Variants in FRMD4A observed in about 807,000 individuals in gnomAD.
FRMD4A encodes the protein FERM domain containing 4A, also known as FERM domain-containing protein 4A.
Under a neutral mutation model 129.1 loss-of-function variants are expected in FRMD4A, and 29 were observed. That is an observed-to-expected ratio of 0.22 (90% CI 0.17 to 0.31). The LOEUF (loss-of-function observed/expected upper bound fraction) is 0.31. Among genes scored for constraint, FRMD4A ranks in the 10% least tolerant of loss-of-function variants. The pLI, the probability that FRMD4A is intolerant of heterozygous loss-of-function variation, is 1.00. For missense variants in FRMD4A, 1,272 were observed against 1,375.8 expected, an observed-to-expected ratio of 0.92 and a Z score of 1.19; for synonymous variants, 634 against 571.6, an observed-to-expected ratio of 1.11 and a Z score of -1.56.
At chr10:14,245,764 C>T (rs1415427755) in intron 2 of FRMD4A, among the ~76,000 whole-genome samples, 4 of 152,154 alleles carry the variant, frequency 2.6e-5, no homozygotes, top group Non-Finnish European at 4.4e-5. Flanking sequence ...ATGGACCCTG[C>T]TAACACCTTA....
At chr10:14,228,400 A>G (rs761966850) in intron 2 of FRMD4A, among the ~76,000 whole-genome samples, 8 of 152,216 alleles carry the variant, frequency 5.3e-5, no homozygotes, top group Non-Finnish European at 7.3e-5. Flanking sequence ...TAATGTTCCC[A>G]TTGACTCTCC....
At chr10:14,239,591 C>T (rs1843962078) in intron 2 of FRMD4A, among the ~76,000 whole-genome samples, 1 of 152,036 alleles carries the variant, frequency 6.6e-6, no homozygotes, top group African/African-American at 2.4e-5. Flanking sequence ...TGCGCCACTG[C>T]ACTCCAGCCT....
intron 2 of FRMD4A, among the ~76,000 whole-genome samples, chr10:13,917,418 T>C: frequency 6.6e-6 from 1 of 151,936 alleles, no homozygotes; most frequent in East Asian, 1.9e-4. Context: ...CCCTCCTGAG[T>C]AACTGGGATT....
At chr10:13,712,185 C>T (rs1589495027) in intron 12 of FRMD4A, 1 of 152,228 alleles carries the variant, frequency 6.6e-6, no homozygotes, top group Non-Finnish European at 1.5e-5. Context: ...ATACTCAATG[C>T]TTTCCATACT....
intron 2 of FRMD4A, among the ~76,000 whole-genome samples, chr10:13,977,715 C>T (rs1410872864): frequency 6.6e-6 from 1 of 152,198 alleles, no homozygotes; most frequent in African/African-American, 2.4e-5. Flanking sequence ...CTTTCTGTCT[C>T]CATAGATTTG....
At chr10:14,273,932 A>C (rs760679458) in intron 2 of FRMD4A, among the ~76,000 whole-genome samples, 4 of 152,244 alleles carry the variant, frequency 2.6e-5, no homozygotes, top group Admixed American at 6.5e-5. Context: ...TACATGAAGA[A>C]TAAAACATCA....
At chr10:14,094,889 A>G (rs183414946) in intron 2 of FRMD4A, among the ~76,000 whole-genome samples, 181 of 152,224 alleles carry the variant, frequency 1.2e-3, no homozygotes, top group Middle Eastern at 3.4e-3. Flanking sequence ...GCATGTATGT[A>G]TATCTATGCC....
intron 2 of FRMD4A, among the ~76,000 whole-genome samples, chr10:13,906,969 T>C (rs2094888727): frequency 6.6e-6 from 1 of 152,198 alleles, no homozygotes; most frequent in Admixed American, 6.5e-5. Context: ...CCCTGAGGTG[T>C]TGCTGTGTCT....
chr10:14,089,637 A>AAC (rs1564280358), intron 2 of FRMD4A, among the ~76,000 whole-genome samples: 3 of 129,904 alleles, frequency 2.3e-5, no homozygotes, highest in East Asian at 3.0e-4. Context: ...AAACAAAAAA[A>AAC]AACAAACAAA....
intron 2 of FRMD4A, among the ~76,000 whole-genome samples, chr10:14,186,335 A>G (rs1842146060): frequency 6.6e-6 from 1 of 152,110 alleles, no homozygotes. Flanking sequence ...CATGCGACCC[A>G]TGAGGAGGCA....
At chr10:14,193,307 T>C (rs936525058) in intron 2 of FRMD4A, among the ~76,000 whole-genome samples, 3 of 152,242 alleles carry the variant, frequency 2.0e-5, no homozygotes, top group Admixed American at 6.5e-5. Context: ...AACTGTGCAA[T>C]GGAAGCATTA....
At chr10:13,778,045 C>T (rs1451888325) in intron 6 of FRMD4A, among the ~76,000 whole-genome samples, 3 of 152,158 alleles carry the variant, frequency 2.0e-5, no homozygotes, top group Non-Finnish European at 2.9e-5. Flanking sequence ...TCTTGATCCA[C>T]CCGCCTCTGC....
At chr10:14,176,466 C>CTTTT (rs35347674) in intron 2 of FRMD4A, among the ~76,000 whole-genome samples, 8 of 72,832 alleles carry the variant, frequency 1.1e-4, no homozygotes, top group Admixed American at 1.8e-4. Context: ...TCACCTCCAT[C>CTTTT]TTTTTTTTTT....
At chr10:13,663,884 A>T (rs1210079932) in intron 18 of FRMD4A, among the ~76,000 whole-genome samples, 1 of 152,212 alleles carries the variant, frequency 6.6e-6, no homozygotes, top group Admixed American at 6.5e-5. Flanking sequence ...AAGGACGCAA[A>T]CTGCTTTTGA....
At chr10:14,290,502 G>T (rs1027263730) in intron 2 of FRMD4A, among the ~76,000 whole-genome samples, 2 of 152,020 alleles carry the variant, frequency 1.3e-5, no homozygotes, top group Non-Finnish European at 2.9e-5. Flanking sequence ...TCAATAAATG[G>T]TATTGTGAAA....
intron 2 of FRMD4A, among the ~76,000 whole-genome samples, chr10:13,974,136 A>T (rs1311127083): frequency 6.6e-6 from 1 of 151,014 alleles, no homozygotes; most frequent in African/African-American, 2.4e-5. Flanking sequence ...GGACAGTTCT[A>T]AAGGCATTGT....
At chr10:13,921,971 C>T (rs561825328) in intron 2 of FRMD4A, among the ~76,000 whole-genome samples, 9 of 152,140 alleles carry the variant, frequency 5.9e-5, no homozygotes, top group East Asian at 1.9e-4. Context: ...CTTTGGTAGG[C>T]GATTAGGTGT....
chr10:13,994,868 C>G (rs2095616897), intron 2 of FRMD4A, among the ~76,000 whole-genome samples: 1 of 152,216 alleles, frequency 6.6e-6, no homozygotes, highest in South Asian at 2.1e-4. Context: ...CAATGTGCCT[C>G]TTTCTGTATT....
chr10:14,074,712 G>A (rs1052437185), intron 2 of FRMD4A: 2 of 152,206 alleles, frequency 1.3e-5, no homozygotes, highest in Admixed American at 6.5e-5. Flanking sequence ...ATTCTGGAAG[G>A]TGTCCAGGAA....
Sources: allele counts gnomAD v4.1 joint callset (sites outside exome capture counted in the v4.1 genomes callset), GRCh38; gene constraint gnomAD v4.1.1; transcripts MANE v1.5; gene names NCBI Gene and HGNC (gene_info 2026-07-23, HGNC 2026-07-21).